The following SHC2 variants were observed in gnomAD, a reference collection of about 807,000 sequenced individuals.
The protein encoded by SHC2 is SHC adaptor protein 2, also known as SHC-transforming protein 2.
In SHC2, 62 loss-of-function variants were observed where a neutral mutation model predicts 60.6. The ratio of observed to expected loss-of-function variants is 1.02; its 90% confidence interval spans 0.83 to 1.26. SHC2 has a LOEUF of 1.26. Ranked by LOEUF, SHC2 falls within the 50% of genes most tolerant of loss-of-function variation. The probability of loss-of-function intolerance (pLI) is 0.00; values close to 1 mark genes in which losing one functional copy is unlikely to be tolerated. For missense variants in SHC2, 873 were observed against 822.2 expected (o/e 1.06, Z -0.76); for synonymous variants, 375 against 372.4 (o/e 1.01, Z -0.08).
At chr19:458,916 C>T (rs950460394) in intron 1 of SHC2, among the ~76,000 whole-genome samples, 1 of 151,970 alleles carries the variant, frequency 6.6e-6, no homozygotes, top group African/African-American at 2.4e-5. Flanking sequence ...GGGGACCACA[C>T]GTGGGGGAGT....
intron 4 of SHC2, 145 bp from the exon 5 acceptor site, chr19:436,828 G>T (rs186556920): frequency 1.2e-6 from 1 of 805,932 alleles, no homozygotes; most frequent in East Asian, 2.7e-5. Flanking sequence ...ACCCACTGCA[G>T]CCGGGTCCTG....
At position 434,817 on chromosome 19, in the gene SHC2, C is replaced by T; in HGVS notation, c.1002G>A (p.Leu334=). ...ESAWGDEEDS[L]EHNYYNSIPG... ...GGATGCTGTTGTAGTAATTGTGCTCCAAAGAGTCCTCCTCGTCCCCCCAGG... is the reference window on the plus strand; with the variant it reads ...GGATGCTGTTGTAGTAATTGTGCTCTAAAGAGTCCTCCTCGTCCCCCCAGG... Residue 334 remains leucine (L), a synonymous_variant, in exon 8 of 13, where the codon TTG becomes TTA. Coordinates refer to ENST00000264554, the MANE Select transcript of SHC2 (RefSeq NM_012435.3). The T allele has an allele frequency of 6.2e-7, 1 of 1,612,814 alleles. No individual in the cohort carries two copies. The highest frequency in any genetic ancestry group is 8.5e-7 in the Non-Finnish European group (1 of 1,179,794).
chr19:455,537 C>G (rs1452781035), intron 1 of SHC2, among the ~76,000 whole-genome samples: 2 of 152,262 alleles, frequency 1.3e-5, no homozygotes, highest in African/African-American at 4.8e-5. Flanking sequence ...CGTCCAACTT[C>G]TCTCCCACAC....
chr19:438,945 A>G lies in SHC2; in HGVS notation c.600+25T>C, dbSNP rs1222059929. The G allele has an allele frequency of 9.5e-6, 15 of 1,586,936 alleles. No individual in the cohort carries two copies. Among genetic ancestry groups the G allele is most frequent in the Non-Finnish European group, 1.1e-5 (13 of 1,166,156 alleles). On this transcript the variant is annotated intron_variant, in intron 3 of 12. Coordinates refer to ENST00000264554, the MANE Select transcript of SHC2 (RefSeq NM_012435.3). The surrounding 1 kb of genome is among the most constrained non-coding windows in gnomAD (Gnocchi z 5.0). ...AGCCCCCGACTGCCCCACCAGCCCCACGAGAGACCACAAGCCTCACTCACC... is the reference window on the plus strand; with the variant it reads ...AGCCCCCGACTGCCCCACCAGCCCCGCGAGAGACCACAAGCCTCACTCACC...
At chr19:435,299 C>T (rs1974690115) in intron 7 of SHC2, among the ~76,000 whole-genome samples, 1 of 152,238 alleles carries the variant, frequency 6.6e-6, no homozygotes. Context: ...AAGCACGGCC[C>T]CGAGAGCCAG....
In SHC2 at chr19:425,792, GC is replaced by G. The variant is rs1311152692; in HGVS notation, c.1175-562del. 6.6e-6 allele frequency among the ~76,000 whole-genome samples: 1 copy of G among 152,128 alleles called. No homozygotes were observed. Among genetic ancestry groups the G allele is most frequent in the Non-Finnish European group, 1.5e-5 (1 of 68,020 alleles). Reference sequence around the variant, plus strand: ...GCCTGTAATCCCAGCACTTTGGGAGGCCGAGGTGGGTGAATCATTTGAGGTC... The same window carrying G: ...GCCTGTAATCCCAGCACTTTGGGAGGCGAGGTGGGTGAATCATTTGAGGTC... On this transcript the variant is annotated intron_variant, in intron 9 of 12. Transcript: ENST00000264554. The surrounding 1 kb of genome is among the most constrained non-coding windows in gnomAD (Gnocchi z 4.1).
chr19:436,786 G>T, intron 4 of SHC2, 103 bp from the exon 5 acceptor site: 1 of 1,135,368 alleles, frequency 8.8e-7, no homozygotes, highest in Non-Finnish European at 1.3e-6. Flanking sequence ...CAGGGGCAGG[G>T]ATGTGGGGAT....
chr19:449,147 G>A (rs545900471), intron 1 of SHC2, among the ~76,000 whole-genome samples: 14 of 151,814 alleles, frequency 9.2e-5, no homozygotes, highest in African/African-American at 3.1e-4. Flanking sequence ...CAGCCTGGGC[G>A]ACAGAGCCAG....
At position 422,785 on chromosome 19, in the gene SHC2, G is replaced by A. The variant is rs113596783; in HGVS notation, c.1310-329C>T. On this transcript the variant is annotated intron_variant, in intron 10 of 12. Coordinates refer to ENST00000264554, the MANE Select transcript of SHC2 (RefSeq NM_012435.3). The surrounding 1 kb of genome is among the most constrained non-coding windows in gnomAD (Gnocchi z 5.0). ...GGTGGGCTTCCTTCCCAAAGCGTAC[G>A]CCTCTCGTTTCCTTGTCTGGTCTTA... is the stretch of plus-strand genomic sequence containing the variant. The A allele has an allele frequency of 4.0e-6, 1 of 248,328 alleles. No individual in the cohort carries two copies. The highest frequency in any genetic ancestry group is 8.4e-5 in the East Asian group (1 of 11,926). 15.4% of individuals were successfully genotyped at this position (248,328 alleles called of 1,614,324 possible).
At chr19:449,787 A>G (rs1274898028) in intron 1 of SHC2, among the ~76,000 whole-genome samples, 2 of 152,214 alleles carry the variant, frequency 1.3e-5, no homozygotes, top group Non-Finnish European at 1.5e-5. Context: ...AATAATTTAT[A>G]CAGACAGAAT....
intron 12 of SHC2, among the ~76,000 whole-genome samples, 181 bp downstream of exon 12, chr19:418,742 C>T (rs931181361): frequency 6.6e-6 from 1 of 151,926 alleles, no homozygotes; most frequent in Non-Finnish European, 1.5e-5. Context: ...GGGCTTCTTT[C>T]GGGGCTGACA....
chr19:449,401 G>C (rs1419600169), intron 1 of SHC2, among the ~76,000 whole-genome samples: 1 of 152,058 alleles, frequency 6.6e-6, no homozygotes, highest in Non-Finnish European at 1.5e-5. Context: ...ATGCAATGTG[G>C]GATGGGAAAA....
intron 1 of SHC2, among the ~76,000 whole-genome samples, 181 bp downstream of exon 1, chr19:460,348 C>T (rs1012686347): frequency 6.6e-6 from 1 of 151,754 alleles, no homozygotes; most frequent in Admixed American, 6.6e-5. Flanking sequence ...ACCCGGACCC[C>T]AGCGCCTCCG....
Position 441,118 on chromosome 19 carries a change from C to A in SHC2, c.469-186G>T, listed in dbSNP as rs750177527. 7 of 984,962 alleles carry A rather than the reference C, an allele frequency of 7.1e-6. No individual in the cohort carries two copies. In the African/African-American group the frequency reaches 1.2e-4, roughly 17 times the overall value. The allele number at this position is 984,962 out of a possible 1,614,324, so 61.0% of individuals were successfully genotyped here. On this transcript the variant is annotated intron_variant, in intron 1 of 12. Coordinates refer to ENST00000264554, the MANE Select transcript of SHC2 (RefSeq NM_012435.3). This position sits in a 1 kb window ranked among gnomAD's most constrained non-coding sequence, Gnocchi z 4.9. ...CCAGCCTTGACACTGTCCTGCGAGC[C>A]GCCCCCTCTGACTCCAGGCATGTTT...
chr19:453,185 G>A lies in SHC2; in HGVS notation c.468+7344C>T, dbSNP rs967411871. The stretch of plus-strand genomic sequence containing the variant: ...AGCCCAATGTTGTCTGGCCTTGGAA[G>A]CTGAGCAGGGTCGGGCCTGATTGGT... On this transcript the variant is annotated intron_variant, in intron 1 of 12. Transcript: ENST00000264554. The surrounding 1 kb of genome is among the most constrained non-coding windows in gnomAD (Gnocchi z 6.3). The A allele has an allele frequency of 2.0e-5, 3 of 152,266 alleles. No homozygotes were observed. The highest frequency in any genetic ancestry group is 2.9e-5 in the Non-Finnish European group (2 of 68,078). The allele number at this position is 152,266 out of a possible 1,614,324, so 9.4% of individuals were successfully genotyped here.
At position 422,883 on chromosome 19, in the gene SHC2, A is replaced by G. The variant is rs1395426995; in HGVS notation, c.1310-427T>C. 1 of 165,766 alleles carries G rather than the reference A, an allele frequency of 6.0e-6. No individual in the cohort carries two copies. The highest frequency in any genetic ancestry group is 2.4e-5 in the African/African-American group (1 of 41,738). 10.3% of individuals were successfully genotyped at this position (165,766 alleles called of 1,614,324 possible). ...CAGCCGGCACCCCTCTCTTGCCCCT[A>G]GCGTTAAAATGTTCTGCCCTGGGTT... On this transcript the variant is annotated intron_variant, in intron 10 of 12. Coordinates refer to ENST00000264554, the MANE Select transcript of SHC2 (RefSeq NM_012435.3). The surrounding 1 kb of genome is among the most constrained non-coding windows in gnomAD (Gnocchi z 5.0).
At position 460,839 on chromosome 19, in the gene SHC2, G is replaced by A; in HGVS notation, c.158C>T (p.Ala53Val). 1.0e-6 allele frequency: 1 copy of A among 982,666 alleles called. No individual in the cohort carries two copies. 60.9% of individuals were successfully genotyped at this position (982,666 alleles called of 1,614,324 possible). Residue 53 changes from alanine (A) to valine (V), a missense_variant, in exon 1 of 13, where the codon GCG becomes GTG. Ala to Val is a moderately conservative substitution (Grantham distance 64). Transcript: ENST00000264554. ...GTCCGCGCCCCCCGAGGCCCCAGCC[G>A]CCCGCGCCGCCGCCGGGCCGCGGCC... ...FLGRGPAAAR[A>V]AGASGGADPQ...
chr19:453,556 C>T lies in SHC2; in HGVS notation c.468+6973G>A, dbSNP rs1975253212. Among the ~76,000 whole-genome samples the T allele has an allele frequency of 6.6e-6, 1 of 152,194 alleles. No homozygotes were observed. Among genetic ancestry groups the T allele is most frequent in the African/African-American group, 2.4e-5 (1 of 41,442 alleles). The stretch of plus-strand genomic sequence containing the variant: ...CAAAATGCTGGATTACAGGCGTGAG[C>T]CACCACGCCCGGCCAGAACCCAGAT... On this transcript the variant is annotated intron_variant, in intron 1 of 12. Coordinates refer to ENST00000264554, the MANE Select transcript of SHC2 (RefSeq NM_012435.3). The surrounding 1 kb of genome is among the most constrained non-coding windows in gnomAD (Gnocchi z 6.3).
chr19:443,894 GTGGA>G (rs1301017286), intron 1 of SHC2, among the ~76,000 whole-genome samples: 6 of 115,694 alleles, frequency 5.2e-5, no homozygotes, highest in African/African-American at 1.0e-4. Context: ...GGATGGGTGG[GTGGA>G]TGGATGGATG....
Sources: allele counts gnomAD v4.1 joint callset (sites outside exome capture counted in the v4.1 genomes callset), GRCh38; gene constraint gnomAD v4.1.1; non-coding constraint Gnocchi (gnomAD v3.1); transcripts MANE v1.5; gene names NCBI Gene and HGNC (gene_info 2026-07-23, HGNC 2026-07-21).